Variants in PSMD4 observed in about 807,000 individuals in gnomAD.
PSMD4 encodes 26S proteasome non-ATPase regulatory subunit 4.
A neutral mutation model predicts 39.7 loss-of-function variants in PSMD4; 5 were observed. That is an observed-to-expected ratio of 0.13 (90% CI 0.07 to 0.26). The LOEUF (loss-of-function observed/expected upper bound fraction) is 0.26, where lower values mean the gene tolerates loss of function less well. Among genes scored for constraint, PSMD4 ranks in the 10% least tolerant of loss-of-function variants. The probability of loss-of-function intolerance (pLI) is 1.00; values close to 1 mark genes in which losing one functional copy is unlikely to be tolerated. For synonymous variants in PSMD4, 143 were observed against 174.6 expected, an observed-to-expected ratio of 0.82 and a Z score of 1.43; for missense variants, 272 against 486.1, an observed-to-expected ratio of 0.56 and a Z score of 4.14.
At chr1:151,264,107 A>T in intron 3 of PSMD4, 79 bp downstream of exon 3, 2 of 1,128,396 alleles carry the variant, frequency 1.8e-6, no homozygotes, top group East Asian at 5.2e-5. Flanking sequence ...CTCCCCTGGA[A>T]TCCTGAGCTA....
chr1:151,259,300 A>T (rs1348456224), intron 1 of PSMD4: 1 of 152,200 alleles, frequency 6.6e-6, no homozygotes, highest in East Asian at 1.9e-4. Context: ...TAGAATATGT[A>T]CATTATACTT....
rs1194012883 is a variant in PSMD4 at position 151,254,762 on chromosome 1, G to T, written c.-21G>T. ...GTTAGGCCGTCCCGGAGACCCGGTCGGGAGGGAGGAAGGTGGCAAGATGGT... is the reference window on the plus strand; with the variant it reads ...GTTAGGCCGTCCCGGAGACCCGGTCTGGAGGGAGGAAGGTGGCAAGATGGT... On this transcript the variant is annotated 5_prime_UTR_variant, in exon 1 of 10. Transcript: ENST00000368884. 5 of 1,559,284 alleles carry T rather than the reference G, an allele frequency of 3.2e-6. No individual in the cohort carries two copies. The highest frequency in any genetic ancestry group is 2.5e-5 in the East Asian group (1 of 40,588).
chr1:151,254,895 A>C (rs3811405), intron 1 of PSMD4, 87 bp downstream of exon 1: 1 of 1,197,174 alleles, frequency 8.4e-7, no homozygotes, highest in Non-Finnish European at 1.1e-6. Context: ...GGTGGGGGCC[A>C]GGGGCTCATG....
In PSMD4 at chr1:151,267,190, C is replaced by G; in HGVS notation, c.981C>G (p.Asp327Glu). The G allele has an allele frequency of 2.5e-6, 4 of 1,613,908 alleles. No homozygotes were observed. The highest frequency in any genetic ancestry group is 3.4e-6 in the Non-Finnish European group (4 of 1,179,832). Residue 327 changes from aspartate (D) to glutamate (E), a missense_variant, in exon 10 of 10, where the codon GAC becomes GAG. By Grantham distance (45) the Asp-to-Glu change is conservative. Around this residue, in one of 3 missense-constraint regions of PSMD4, gnomAD observed 113 missense variants for 184.6 expected, o/e 0.61. Transcript: ENST00000368884. ...GTTTGCAGGAGGAGGATGATTACGACGTGATGCAGGACCCCGAGTTCCTTC... is the reference window on the plus strand; with the variant it reads ...GTTTGCAGGAGGAGGATGATTACGAGGTGATGCAGGACCCCGAGTTCCTTC... ...SEPAKEEDDYDVMQDPEFLQS... is the reference protein window; with the variant it reads ...SEPAKEEDDYEVMQDPEFLQS...
chr1:151,257,555 A>G (rs893326813), intron 1 of PSMD4, among the ~76,000 whole-genome samples: 2 of 151,734 alleles, frequency 1.3e-5, no homozygotes, highest in Non-Finnish European at 2.9e-5. Context: ...TTAATTAATT[A>G]ATTAATTTAT....
chr1:151,262,407 C>T, intron 2 of PSMD4, 106 bp downstream of exon 2: 1 of 1,364,936 alleles, frequency 7.3e-7, no homozygotes, highest in East Asian at 2.3e-5. Flanking sequence ...TCCTAGACTG[C>T]CTTCTGCACT....
chr1:151,256,204 C>T (rs587664870), intron 1 of PSMD4, among the ~76,000 whole-genome samples: 3 of 150,790 alleles, frequency 2.0e-5, no homozygotes, highest in African/African-American at 7.3e-5. Flanking sequence ...ATTAGCCAGG[C>T]GTGGTGGTGG....
At chr1:151,259,420 G>A (rs1218748466) in intron 1 of PSMD4, among the ~76,000 whole-genome samples, 1 of 152,062 alleles carries the variant, frequency 6.6e-6, no homozygotes, top group Non-Finnish European at 1.5e-5. Flanking sequence ...GGGGCATTTC[G>A]GATCTCAAGA....
chr1:151,265,938 T>TTTCCCAGCTGGGA, intron 6 of PSMD4, 66 bp from the exon 7 acceptor site: 1 of 1,504,944 alleles, frequency 6.6e-7, no homozygotes, highest in Non-Finnish European at 8.9e-7. Flanking sequence ...ACACCCCAAC[T>TTTCCCAGCTGGGA]GACTTTCCCA....
intron 1 of PSMD4, among the ~76,000 whole-genome samples, chr1:151,257,459 T>C (rs777397621): frequency 3.4e-4 from 52 of 152,298 alleles, no homozygotes; most frequent in Non-Finnish European, 7.4e-4. Context: ...AATAGTTTTT[T>C]CTAGTTCTTT....
At chr1:151,263,354 C>T (rs1322695838) in intron 2 of PSMD4, among the ~76,000 whole-genome samples, 1 of 138,398 alleles carries the variant, frequency 7.2e-6, no homozygotes, top group African/African-American at 2.7e-5. Context: ...ATCCCAGCTA[C>T]TCAGGAGGCT....
At position 151,263,897 on chromosome 1, in the gene PSMD4, C is replaced by T. The variant is rs1051721127; in HGVS notation, c.168-17C>T. On this transcript the variant is annotated splice_polypyrimidine_tract_variant and intron_variant, in intron 2 of 9. Transcript: ENST00000368884. ...GTGCTGACCTGAATTCACTGAAATG[C>T]TTTTCCTACATCCCAGTGACTGTGA... 1.3e-6 allele frequency: 2 copies of T among 1,520,858 alleles called. No homozygotes were observed. The highest frequency in any genetic ancestry group is 1.8e-6 in the Non-Finnish European group (2 of 1,115,692). The allele number at this position is 1,520,858 out of a possible 1,614,324, so 94.2% of individuals were successfully genotyped here. A position where few individuals can be genotyped will look rare whatever the true frequency, so the allele number is the denominator to read the frequency against.
chr1:151,262,760 G>A (rs749176340), intron 2 of PSMD4: 16 of 165,282 alleles, frequency 9.7e-5, no homozygotes, highest in Non-Finnish European at 1.5e-4. Context: ...GCTTGAACTC[G>A]GGAGGCGGAG....
intron 1 of PSMD4, among the ~76,000 whole-genome samples, chr1:151,257,861 G>A (rs1176029441): frequency 6.6e-6 from 1 of 151,554 alleles, no homozygotes; most frequent in African/African-American, 2.4e-5. Context: ...CACCATGCTC[G>A]GCAGTATGGC....
intron 2 of PSMD4, 132 bp downstream of exon 2, chr1:151,262,433 C>A: frequency 9.1e-7 from 1 of 1,104,674 alleles, no homozygotes; most frequent in East Asian, 2.4e-5. Context: ...GTGTAAATGT[C>A]AATAGCAACT....
chr1:151,265,877 GCTT>G (rs1693438009), intron 6 of PSMD4, 124 bp from the exon 7 acceptor site: 10 of 1,307,674 alleles, frequency 7.6e-6, no homozygotes, highest in South Asian at 1.6e-5. Context: ...TATCCCTCCA[GCTT>G]CTTCTCTGTG....
Position 151,265,214 on chromosome 1 carries a change from A to T in PSMD4, c.418A>T (p.Ile140Phe). ...RLKKEKVNVDIINFGEEEVNT... is the reference protein window; with the variant it reads ...RLKKEKVNVDFINFGEEEVNT... ...CAAGAAGGAGAAAGTAAATGTTGAC[A>T]TTATCAATTTTGGGGAAGAGGTGAG... is the stretch of plus-strand genomic sequence containing the variant. Residue 140 changes from isoleucine to phenylalanine, a missense_variant, in exon 5 of 10, where the codon ATT becomes TTT. Ile to Phe is a conservative substitution (Grantham distance 21, BLOSUM62 0). Coordinates refer to ENST00000368884, the MANE Select transcript of PSMD4 (RefSeq NM_002810.4). The T allele has an allele frequency of 6.2e-7, 1 of 1,613,606 alleles. No homozygotes were observed. Among genetic ancestry groups the T allele is most frequent in the South Asian group, 1.1e-5 (1 of 90,930 alleles).
intron 1 of PSMD4, among the ~76,000 whole-genome samples, chr1:151,260,194 T>C (rs1218146810): frequency 6.6e-6 from 1 of 150,784 alleles, no homozygotes; most frequent in East Asian, 1.9e-4. Context: ...AGCGAAACTC[T>C]GTCTCAAAAA....
intron 3 of PSMD4, 25 bp from the exon 4 acceptor site, chr1:151,264,807 T>TG (rs1491530021): frequency 6.4e-7 from 1 of 1,570,706 alleles, no homozygotes; most frequent in South Asian, 1.1e-5. Flanking sequence ...TGGTTAACTC[T>TG]GAGAACTTCC....
Sources: allele counts gnomAD v4.1 joint callset (sites outside exome capture counted in the v4.1 genomes callset), GRCh38; gene constraint gnomAD v4.1.1; regional missense constraint gnomAD v4.1.1; transcripts MANE v1.5; gene names NCBI Gene and HGNC (gene_info 2026-07-23, HGNC 2026-07-21).